ROBO2: variants seen among roughly 807,000 people sequenced by gnomAD.
ROBO2 encodes roundabout guidance receptor 2.
ROBO2 carries 53 observed loss-of-function variants against 160.8 expected under a neutral mutation model. The ratio of observed to expected loss-of-function variants is 0.33; its 90% CI spans 0.26 to 0.41. ROBO2 has a LOEUF of 0.41. ROBO2 is among the 10% of genes least tolerant of loss of function. The probability of loss-of-function intolerance (pLI) is 1.00; values close to 1 mark genes in which losing one functional copy is unlikely to be tolerated. For synonymous variants in ROBO2, 664 were observed against 611.7 expected (o/e 1.09, Z -1.26); for missense variants, 1,577 against 1,722.4 (o/e 0.92, Z 1.49).
At chr3:77,281,592 A>G (rs2060243299) in intron 2 of ROBO2, among the ~76,000 whole-genome samples, 1 of 151,994 alleles carries the variant, frequency 6.6e-6, no homozygotes, top group Non-Finnish European at 1.5e-5. Context: ...TTGTTCCAGG[A>G]CCTCCCATGG....
At chr3:76,187,169 C>T (rs1271014216) in intron 2 of ROBO2, among the ~76,000 whole-genome samples, 1 of 152,198 alleles carries the variant, frequency 6.6e-6, no homozygotes. Flanking sequence ...GAGCTGAAAA[C>T]AAACATAACC....
chr3:76,811,881 C>T (rs572499485), intron 2 of ROBO2, among the ~76,000 whole-genome samples: 21 of 116,386 alleles, frequency 1.8e-4, no homozygotes, highest in African/African-American at 6.2e-4. Flanking sequence ...TTCCTTCCTT[C>T]CTTTTTTGAG....
chr3:76,762,709 A>C (rs950371048), intron 2 of ROBO2, among the ~76,000 whole-genome samples: 3 of 151,686 alleles, frequency 2.0e-5, no homozygotes, highest in Admixed American at 6.6e-5. Context: ...TTGAACATTC[A>C]TAACAACCTC....
chr3:76,372,652 G>A (rs546893500), intron 2 of ROBO2, among the ~76,000 whole-genome samples: 1 of 152,008 alleles, frequency 6.6e-6, no homozygotes, highest in Admixed American at 6.6e-5. Flanking sequence ...AAGTGAGTCA[G>A]AATCCTGTAT....
rs375314892 is a variant in ROBO2, at chr3:76,224,323, A to G, written c.109+286721A>G. Among the ~76,000 whole-genome samples, 75 of 152,348 alleles carry G rather than the reference A, an allele frequency of 4.9e-4. No individual in the cohort carries two copies. The South Asian group carries it at 0.012, about 25-fold the overall frequency. On this transcript the variant is annotated intron_variant, in intron 2 of 26. Transcript: ENST00000487694. ...AGAGTTAATGGCATAATTCCTACTT[A>G]AAAGCTAAAGGCCTGAGAAACTTAA...
chr3:77,213,583 T>G (rs1247475001), intron 2 of ROBO2, among the ~76,000 whole-genome samples: 2 of 152,212 alleles, frequency 1.3e-5, no homozygotes, highest in African/African-American at 4.8e-5. Flanking sequence ...TTCCCTTCAG[T>G]TCTGCTCTGA....
intron 2 of ROBO2, among the ~76,000 whole-genome samples, chr3:76,169,679 T>C (rs2072968510): frequency 6.6e-6 from 1 of 152,158 alleles, no homozygotes; most frequent in South Asian, 2.1e-4. Context: ...TGATAATAAA[T>C]CATAATTTAT....
At chr3:76,785,043 GT>G (rs1179429431) in intron 2 of ROBO2, among the ~76,000 whole-genome samples, 1 of 151,064 alleles carries the variant, frequency 6.6e-6, no homozygotes, top group Non-Finnish European at 1.5e-5. Flanking sequence ...TTTGTGGTTT[GT>G]TTCTACGGGG....
chr3:76,051,104 G>GTTC (rs1451636329), intron 2 of ROBO2, among the ~76,000 whole-genome samples: 1 of 151,200 alleles, frequency 6.6e-6, no homozygotes, highest in Non-Finnish European at 1.5e-5. Flanking sequence ...ATATTTACTT[G>GTTC]TTCTTATATA....
At chr3:76,537,819 C>T (rs2082594051) in intron 2 of ROBO2, among the ~76,000 whole-genome samples, 1 of 151,950 alleles carries the variant, frequency 6.6e-6, no homozygotes, top group Non-Finnish European at 1.5e-5. Flanking sequence ...TTACAGGGCT[C>T]GGGTAGGCAG....
intron 2 of ROBO2, among the ~76,000 whole-genome samples, chr3:76,956,651 T>C (rs1577821291): frequency 6.6e-6 from 1 of 151,948 alleles, no homozygotes; most frequent in East Asian, 1.9e-4. Context: ...CCTGTGGGAT[T>C]ATAGTTAGAA....
chr3:76,296,135 C>A (rs1392965160), intron 2 of ROBO2, among the ~76,000 whole-genome samples: 6 of 152,016 alleles, frequency 3.9e-5, no homozygotes, highest in Non-Finnish European at 5.9e-5. Flanking sequence ...CTGTAAGTGA[C>A]ATATGGAGAA....
At chr3:76,834,257 T>G (rs2067465678) in intron 2 of ROBO2, among the ~76,000 whole-genome samples, 1 of 150,772 alleles carries the variant, frequency 6.6e-6, no homozygotes, top group African/African-American at 2.4e-5. Flanking sequence ...CAAGCTGGAG[T>G]GCAGTGGTAC....
intron 2 of ROBO2, among the ~76,000 whole-genome samples, chr3:76,186,532 G>T (rs898060173): frequency 6.7e-6 from 1 of 148,836 alleles, no homozygotes; most frequent in Non-Finnish European, 1.5e-5. Flanking sequence ...TTTCTCACAA[G>T]AAATGCTCAC....
At chr3:76,837,563 A>G (rs62261820) in intron 2 of ROBO2, among the ~76,000 whole-genome samples, 23,482 of 150,874 alleles carry the variant, frequency 0.16, 2,103 homozygotes, top group East Asian at 0.36. Flanking sequence ...CAGTAGTGCA[A>G]TTAGCTCACA....
At chr3:77,038,263 C>CT (rs1325848442), upstream of ROBO2, among the ~76,000 whole-genome samples, 28 of 152,226 alleles carry the variant, frequency 1.8e-4, 1 homozygote, top group Middle Eastern at 3.4e-3. Context: ...ACCGAATGCA[C>CT]TTTTTTCTTC....
intron 2 of ROBO2, among the ~76,000 whole-genome samples, chr3:76,844,908 T>C (rs774461541): frequency 6.6e-6 from 1 of 151,946 alleles, no homozygotes; most frequent in African/African-American, 2.4e-5. Context: ...AGGACTGTTG[T>C]ATAGCAAATT....
chr3:76,388,223 C>G (rs1016716140), intron 2 of ROBO2, among the ~76,000 whole-genome samples: 5 of 151,604 alleles, frequency 3.3e-5, no homozygotes, highest in Admixed American at 6.6e-5. Flanking sequence ...TGTAAAGGAA[C>G]ATTGTCCATA....
At chr3:77,215,368 G>C (rs538142339) in intron 2 of ROBO2, among the ~76,000 whole-genome samples, 1 of 151,992 alleles carries the variant, frequency 6.6e-6, no homozygotes, top group Non-Finnish European at 1.5e-5. Flanking sequence ...CCAGTTGATC[G>C]CATTGGCTAC....
Sources: allele counts gnomAD v4.1 joint callset (sites outside exome capture counted in the v4.1 genomes callset), GRCh38; gene constraint gnomAD v4.1.1; transcripts MANE v1.5; gene names NCBI Gene and HGNC (gene_info 2026-07-23, HGNC 2026-07-21).